PROS1: variants seen among roughly 807,000 people sequenced by gnomAD.
PROS1 encodes the protein vitamin K-dependent protein S.
PROS1 carries 29 observed loss-of-function variants against 75.9 expected under a neutral mutation model. The ratio of observed to expected loss-of-function variants is 0.38; its 90% confidence interval spans 0.28 to 0.52. PROS1 has a LOEUF of 0.52. Ranked by LOEUF, PROS1 falls within the 20% of genes least tolerant of loss-of-function variation. PROS1 has a pLI of 0.83. For missense variants in PROS1, 680 were observed against 810.3 expected (o/e 0.84, Z 1.95); for synonymous variants, 245 against 280.6 (o/e 0.87, Z 1.27).
intron 1 of PROS1, among the ~76,000 whole-genome samples, chr3:93,933,612 C>A (rs1709139375): frequency 6.6e-6 from 1 of 151,468 alleles, no homozygotes; most frequent in Non-Finnish European, 1.5e-5. Flanking sequence ...AAAAGAATTG[C>A]ATATATTATT....
rs557884837 is a variant in PROS1, at chr3:93,893,529, G to T, written c.966-407C>A. 9.9e-5 allele frequency among the ~76,000 whole-genome samples: 15 copies of T among 151,734 alleles called. No individual in the cohort carries two copies. The South Asian group carries it at 1.2e-3, about 13-fold the overall frequency. ...ACATTAAGAAGTGGTAGTTTTTTTT[G>T]TTGTTGTTCTTTTTTGTTTGTTTTT... On this transcript the variant is annotated intron_variant, in intron 9 of 14. Transcript: ENST00000394236.
Position 93,873,181 on chromosome 3 carries a change from C to T in PROS1, c.*1064G>A, listed in dbSNP as rs1331860601. On this transcript the variant is annotated 3_prime_UTR_variant, in exon 15 of 15. Coordinates refer to ENST00000394236, the MANE Select transcript of PROS1 (RefSeq NM_000313.4). Reference sequence around the variant, plus strand: ...AAAAGAATTTATTGTTAAAAACTGTCAGTGAAACATCTGATACACATCTGG... The same window carrying T: ...AAAAGAATTTATTGTTAAAAACTGTTAGTGAAACATCTGATACACATCTGG... The T allele has an allele frequency of 6.6e-6, 1 of 152,146 alleles. No individual in the cohort carries two copies. The highest frequency in any genetic ancestry group is 1.5e-5 in the Non-Finnish European group (1 of 68,020). 9.4% of individuals were successfully genotyped at this position (152,146 alleles called of 1,614,324 possible).
chr3:93,944,410 G>T (rs1709345811), intron 1 of PROS1, among the ~76,000 whole-genome samples: 1 of 152,138 alleles, frequency 6.6e-6, no homozygotes, highest in African/African-American at 2.4e-5. Context: ...TGGAAGAAAA[G>T]CACTCCTCAG....
intron 3 of PROS1, among the ~76,000 whole-genome samples, chr3:93,916,022 T>A (rs749204705): frequency 2.0e-5 from 3 of 152,116 alleles, no homozygotes; most frequent in Non-Finnish European, 4.4e-5. Flanking sequence ...AAGAAAAAAA[T>A]TATTTTTTAC....
chr3:93,903,326 AT>A (rs1708625525), intron 6 of PROS1, among the ~76,000 whole-genome samples: 1 of 152,216 alleles, frequency 6.6e-6, no homozygotes, highest in Non-Finnish European at 1.5e-5. Context: ...ATATATGTGT[AT>A]TAACTGAGTG....
chr3:93,879,159 T>G lies in PROS1; in HGVS notation c.1644+4A>C, dbSNP rs146913514. On this transcript the variant is annotated splice_donor_region_variant and intron_variant, in intron 13 of 14. Transcript: ENST00000394236. ...AGGCTTATATAGGTTTAGAGTTAAGTTACCTGTGATTTTTCAGAGGTGGAG... is the reference window on the plus strand; with the variant it reads ...AGGCTTATATAGGTTTAGAGTTAAGGTACCTGTGATTTTTCAGAGGTGGAG... 6.2e-7 allele frequency: 1 copy of G among 1,613,512 alleles called. No individual in the cohort carries two copies. Among genetic ancestry groups the G allele is most frequent in the Non-Finnish European group, 8.5e-7 (1 of 1,179,660 alleles).
At position 93,874,408 on chromosome 3, in the gene PROS1, G is replaced by T; in HGVS notation, c.1871-3C>A. On this transcript the variant is annotated splice_region_variant and splice_polypyrimidine_tract_variant and intron_variant, in intron 14 of 14. Transcript: ENST00000394236. ...TGGTGTGGCACTGAATGGAACATCT[G>T]TAAAAGGAAAATATTAGAATATTAG... The T allele has an allele frequency of 6.2e-7, 1 of 1,613,214 alleles. No individual in the cohort carries two copies. The highest frequency in any genetic ancestry group is 1.7e-5 in the Admixed American group (1 of 59,982).
chr3:93,969,328 T>A (rs1256457756), intron 1 of PROS1, among the ~76,000 whole-genome samples: 1 of 152,188 alleles, frequency 6.6e-6, no homozygotes, highest in Non-Finnish European at 1.5e-5. Flanking sequence ...GTTATTTGCA[T>A]TATATCAGAT....
intron 3 of PROS1, among the ~76,000 whole-genome samples, chr3:93,912,878 T>C (rs1708780489): frequency 6.6e-6 from 1 of 152,170 alleles, no homozygotes; most frequent in African/African-American, 2.4e-5. Context: ...CATTGGGAAT[T>C]AAGTTTCCAG....
chr3:93,973,069 G>A (rs533947002), intron 1 of PROS1, among the ~76,000 whole-genome samples: 23 of 152,122 alleles, frequency 1.5e-4, no homozygotes, highest in Non-Finnish European at 2.5e-4. Context: ...GGCATGCAGT[G>A]TTAAAAAATC....
In PROS1 at chr3:93,874,250, A is replaced by C; in HGVS notation, c.2026T>G (p.Ser676Ala). Residue 676 changes from serine to alanine, a missense_variant, in exon 15 of 15, where the codon TCT becomes GCT. Transcript: ENST00000394236. ...ATAAGCAGAGAAAAGATGCCTTAAG[A>C]ATTCTTTGTCTTTTTCCAAACTGAT... ...CPSVWKKTKN[S>A] The C allele has an allele frequency of 1.2e-6, 2 of 1,613,316 alleles. No individual in the cohort carries two copies. Among genetic ancestry groups the C allele is most frequent in the Non-Finnish European group, 1.7e-6 (2 of 1,179,442 alleles).
intron 14 of PROS1, among the ~76,000 whole-genome samples, 174 bp downstream of exon 14, chr3:93,876,787 TAAACA>T (rs1360042255): frequency 2.6e-5 from 4 of 151,870 alleles, no homozygotes; most frequent in African/African-American, 2.4e-5. Context: ...ATTTTTAAAC[TAAACA>T]AAACAAAACA....
intron 1 of PROS1, among the ~76,000 whole-genome samples, chr3:93,948,453 T>C (rs984469256): frequency 1.3e-5 from 2 of 152,192 alleles, no homozygotes; most frequent in African/African-American, 4.8e-5. Context: ...GTTCAATTCC[T>C]GGATATCCTT....
At chr3:93,905,086 GA>G (rs1334804182) in intron 6 of PROS1, among the ~76,000 whole-genome samples, 1 of 152,252 alleles carries the variant, frequency 6.6e-6, no homozygotes, top group East Asian at 1.9e-4. Flanking sequence ...AAATACAATG[GA>G]AGAGGTTATT....
rs8178609 is a variant in PROS1, at chr3:93,928,435, GA to G, written c.77-1029del. Among the ~76,000 whole-genome samples, 1,211 of 150,626 alleles carry G rather than the reference GA, an allele frequency of 8.0e-3. 16 individuals are homozygous for G. Among genetic ancestry groups the G allele is most frequent in the African/African-American group, 0.028 (1,165 of 40,978 alleles). On this transcript the variant is annotated intron_variant, in intron 1 of 14. Coordinates refer to ENST00000394236, the MANE Select transcript of PROS1 (RefSeq NM_000313.4). Reference sequence around the variant, plus strand: ...TGTAATCCCAGCTATTTGGGAAACTGAGACACGAGAATCATTTGAACCAGGG... The same window carrying G: ...TGTAATCCCAGCTATTTGGGAAACTGGACACGAGAATCATTTGAACCAGGG...
chr3:93,934,312 T>C (rs558060848), intron 1 of PROS1, among the ~76,000 whole-genome samples: 39 of 152,160 alleles, frequency 2.6e-4, no homozygotes, highest in Non-Finnish European at 4.0e-4. Context: ...TTCATAAAGA[T>C]TTCTACCACA....
chr3:93,888,742 C>T (rs1708386121), intron 10 of PROS1, among the ~76,000 whole-genome samples: 1 of 152,194 alleles, frequency 6.6e-6, no homozygotes, highest in Admixed American at 6.5e-5. Context: ...GTTATTCCAA[C>T]AGTCTCCTAA....
Position 93,905,691 on chromosome 3 carries a change from T to C in PROS1, c.601+93A>G. 5.9e-6 allele frequency: 8 copies of C among 1,365,510 alleles called. No individual in the cohort carries two copies. The South Asian group carries it at 9.9e-5, about 17-fold the overall frequency. The allele number at this position is 1,365,510 out of a possible 1,614,324, so 84.6% of individuals were successfully genotyped here. A position where few individuals can be genotyped will look rare whatever the true frequency, so the allele number is the denominator to read the frequency against. On this transcript the variant is annotated intron_variant, in intron 6 of 14. Coordinates refer to ENST00000394236, the MANE Select transcript of PROS1 (RefSeq NM_000313.4). ...AAATGTGTTAGTATAAGCACTTACA[T>C]ATCATTTTTCCAAAAATTTGCTAGT...
chr3:93,939,609 C>T (rs1284991254), intron 1 of PROS1, among the ~76,000 whole-genome samples: 9 of 152,130 alleles, frequency 5.9e-5, no homozygotes, highest in Admixed American at 5.9e-4. Context: ...AAAGAGGTGG[C>T]TGGAGCTAAA....
Sources: gnomAD v4.1 joint callset for allele counts (sites outside exome capture counted in the v4.1 genomes callset) on GRCh38, gnomAD v4.1.1 for gene constraint, MANE v1.5 for transcripts, NCBI Gene and HGNC (gene_info 2026-07-23, HGNC 2026-07-21) for gene names.